The following LRRC4C variants were observed in gnomAD, a reference collection of about 807,000 sequenced individuals.
LRRC4C encodes leucine-rich repeat-containing protein 4C.
Under a neutral mutation model 33.6 loss-of-function variants are expected in LRRC4C, and 5 were observed. The observed-to-expected ratio is 0.15, with a 90% confidence interval of 0.08 to 0.31. The LOEUF (loss-of-function observed/expected upper bound fraction) is 0.31. Ranked by LOEUF, LRRC4C falls within the 10% of genes least tolerant of loss-of-function variation. The pLI is 1.00. For missense variants in LRRC4C, 560 were observed against 796.7 expected (o/e 0.70, Z 3.58); for synonymous variants, 329 against 302.0 (o/e 1.09, Z -0.93).
intron 1 of LRRC4C, among the ~76,000 whole-genome samples, chr11:41,194,743 T>C (rs1251759834): frequency 6.6e-6 from 1 of 152,096 alleles, no homozygotes; most frequent in East Asian, 1.9e-4. Flanking sequence ...TGTAAGACCA[T>C]GAAGCAAAGG....
chr11:41,191,936 A>G (rs892156039), intron 1 of LRRC4C, among the ~76,000 whole-genome samples: 2 of 152,126 alleles, frequency 1.3e-5, no homozygotes, highest in African/African-American at 4.8e-5. Context: ...TTCGGTGCCA[A>G]AGGAAGACAT....
At chr11:40,908,924 A>G (rs909374110) in intron 2 of LRRC4C, among the ~76,000 whole-genome samples, 1 of 152,162 alleles carries the variant, frequency 6.6e-6, no homozygotes, top group Non-Finnish European at 1.5e-5. Context: ...TTACGGGTGC[A>G]TTACCTATGC....
chr11:41,158,075 C>T (rs1944312147), intron 1 of LRRC4C, among the ~76,000 whole-genome samples: 1 of 152,078 alleles, frequency 6.6e-6, no homozygotes, highest in Admixed American at 6.6e-5. Context: ...CCACCCTTCC[C>T]AGCCTCTGGT....
intron 3 of LRRC4C, among the ~76,000 whole-genome samples, chr11:40,332,342 A>G (rs1168594474): frequency 1.3e-5 from 2 of 152,076 alleles, no homozygotes; most frequent in Non-Finnish European, 2.9e-5. Flanking sequence ...CCATCTTCAT[A>G]TGGCCTTCCT....
intron 4 of LRRC4C, among the ~76,000 whole-genome samples, chr11:40,307,036 C>T (rs1372333246): frequency 7.2e-6 from 1 of 138,680 alleles, no homozygotes; most frequent in Admixed American, 7.5e-5. Context: ...TATCTATATA[C>T]AATTTTTTTT....
chr11:40,474,726 C>G (rs1048110269), intron 3 of LRRC4C, among the ~76,000 whole-genome samples: 5 of 152,170 alleles, frequency 3.3e-5, no homozygotes, highest in African/African-American at 9.6e-5. Context: ...GGAACTTAAA[C>G]AAATTTACAA....
chr11:40,230,510 C>T (rs1382917301), intron 5 of LRRC4C, among the ~76,000 whole-genome samples: 1 of 152,126 alleles, frequency 6.6e-6, no homozygotes, highest in East Asian at 1.9e-4. Flanking sequence ...ATCAGAACTC[C>T]CAGACTTCAG....
At chr11:40,284,795 T>TA (rs200679314) in intron 4 of LRRC4C, among the ~76,000 whole-genome samples, 3 of 151,946 alleles carry the variant, frequency 2.0e-5, no homozygotes, top group Non-Finnish European at 4.4e-5. Context: ...ATTAAGGAGT[T>TA]AAAAAAAATA....
At chr11:40,450,232 A>T (rs76275629) in intron 3 of LRRC4C, among the ~76,000 whole-genome samples, 1,731 of 152,248 alleles carry the variant, frequency 0.011, 41 homozygotes, top group African/African-American at 0.039. Context: ...TATGTTCTTC[A>T]TTCTCAGTAG....
chr11:41,277,982 G>A (rs1163064079), intron 1 of LRRC4C, among the ~76,000 whole-genome samples: 2 of 151,982 alleles, frequency 1.3e-5, no homozygotes, highest in Non-Finnish European at 2.9e-5. Context: ...ATCTAAAATA[G>A]TTGATCTCAT....
At chr11:41,360,538 T>C (rs906830912) in intron 1 of LRRC4C, among the ~76,000 whole-genome samples, 5 of 151,972 alleles carry the variant, frequency 3.3e-5, no homozygotes, top group African/African-American at 9.7e-5. Context: ...TAAGAGAATA[T>C]AGATTGGGGG....
intron 3 of LRRC4C, among the ~76,000 whole-genome samples, chr11:40,619,786 G>A (rs536176545): frequency 6.0e-5 from 9 of 151,052 alleles, no homozygotes; most frequent in Non-Finnish European, 7.4e-5. Context: ...AACATCCCAC[G>A]ATAATTCAGT....
chr11:41,008,938 TA>T (rs1488191953), intron 1 of LRRC4C, among the ~76,000 whole-genome samples: 4 of 152,136 alleles, frequency 2.6e-5, no homozygotes, highest in Non-Finnish European at 5.9e-5. Context: ...TTTAATGATA[TA>T]AATTATGCAT....
intron 1 of LRRC4C, among the ~76,000 whole-genome samples, chr11:41,237,630 C>CTCGTT (rs1948078420): frequency 6.6e-6 from 1 of 151,906 alleles, no homozygotes; most frequent in Non-Finnish European, 1.5e-5. Flanking sequence ...ACAGAGAACA[C>CTCGTT]CTTCCTGCAA....
intron 3 of LRRC4C, among the ~76,000 whole-genome samples, chr11:40,589,874 A>T (rs1376153556): frequency 6.1e-5 from 9 of 146,910 alleles, no homozygotes; most frequent in South Asian, 2.2e-4. Flanking sequence ...CTTCCCTTTG[A>T]GGGTAACCCG....
intron 3 of LRRC4C, among the ~76,000 whole-genome samples, chr11:40,568,233 C>A (rs1298652689): frequency 6.6e-6 from 1 of 152,202 alleles, no homozygotes; most frequent in African/African-American, 2.4e-5. Context: ...GCTGTGAGAA[C>A]CCCTTTGGAG....
intron 1 of LRRC4C, among the ~76,000 whole-genome samples, chr11:40,947,183 C>CT (rs1958442376): frequency 6.6e-6 from 1 of 152,004 alleles, no homozygotes; most frequent in African/African-American, 2.4e-5. Context: ...TCATGTATGA[C>CT]TTTTTTATGT....
chr11:41,455,055 C>G (rs572164319), intron 1 of LRRC4C, among the ~76,000 whole-genome samples: 1 of 152,238 alleles, frequency 6.6e-6, no homozygotes, highest in South Asian at 2.1e-4. Context: ...TGATCTCATT[C>G]TATTCAACTA....
intron 2 of LRRC4C, among the ~76,000 whole-genome samples, chr11:40,827,623 T>C (rs993958341): frequency 2.0e-5 from 3 of 151,758 alleles, no homozygotes; most frequent in African/African-American, 7.3e-5. Context: ...TAGAGAAAAG[T>C]AATTGAATGT....
Sources: allele counts gnomAD v4.1 joint callset (sites outside exome capture counted in the v4.1 genomes callset), GRCh38; gene constraint gnomAD v4.1.1; transcripts MANE v1.5; gene names NCBI Gene and HGNC (gene_info 2026-07-23, HGNC 2026-07-21).